THSD7B: variants seen among roughly 807,000 people sequenced by gnomAD.
THSD7B encodes the protein thrombospondin type 1 domain containing 7B, also known as thrombospondin type-1 domain-containing protein 7B.
Under a neutral mutation model 213.6 loss-of-function variants are expected in THSD7B, and 138 were observed. The observed-to-expected ratio is 0.65, with a 90% confidence interval of 0.56 to 0.74. The LOEUF (loss-of-function observed/expected upper bound fraction) is 0.74. Ranked by LOEUF, THSD7B falls within the 30% of genes least tolerant of loss-of-function variation. The probability of loss-of-function intolerance (pLI) is 0.00; values close to 1 mark genes in which losing one functional copy is unlikely to be tolerated. For missense variants in THSD7B, 1,931 were observed against 1,991.5 expected (o/e 0.97, Z 0.58); for synonymous variants, 742 against 687.0 (o/e 1.08, Z -1.25).
At chr2:137,046,917 GTATGT>G (rs1053082807) in intron 2 of THSD7B, among the ~76,000 whole-genome samples, 5 of 152,002 alleles carry the variant, frequency 3.3e-5, no homozygotes, top group African/African-American at 9.7e-5. Context: ...GCAGGCACTT[GTATGT>G]TATGTTAATA....
chr2:137,412,149 C>T (rs566892432), intron 14 of THSD7B, among the ~76,000 whole-genome samples: 1 of 152,202 alleles, frequency 6.6e-6, no homozygotes, highest in South Asian at 2.1e-4. Flanking sequence ...AGCACTGCTG[C>T]TCCACTTCAC....
At chr2:137,570,458 G>A (rs1681331331) in intron 16 of THSD7B, among the ~76,000 whole-genome samples, 1 of 151,962 alleles carries the variant, frequency 6.6e-6, no homozygotes, top group Non-Finnish European at 1.5e-5. Context: ...ACAGGCGCCT[G>A]CCACCTCGCC....
intron 2 of THSD7B, among the ~76,000 whole-genome samples, chr2:136,986,101 C>T (rs1685668365): frequency 6.6e-6 from 1 of 152,148 alleles, no homozygotes; most frequent in African/African-American, 2.4e-5. Flanking sequence ...TTTGATCTCA[C>T]AGGCTCATAG....
At chr2:137,012,594 G>T (rs769161901) in intron 2 of THSD7B, among the ~76,000 whole-genome samples, 1 of 152,192 alleles carries the variant, frequency 6.6e-6, no homozygotes, top group Non-Finnish European at 1.5e-5. Context: ...GTGTCTAGTT[G>T]TTCAGCAAGT....
At chr2:136,876,544 A>G (rs141579778) in intron 1 of THSD7B, among the ~76,000 whole-genome samples, 1 of 152,338 alleles carries the variant, frequency 6.6e-6, no homozygotes, top group Non-Finnish European at 1.5e-5. Context: ...GTAGAAGTGG[A>G]GTGAATGTCT....
At chr2:137,150,031 C>T (rs764344058) in intron 5 of THSD7B, among the ~76,000 whole-genome samples, 1 of 152,070 alleles carries the variant, frequency 6.6e-6, no homozygotes, top group Non-Finnish European at 1.5e-5. Flanking sequence ...CACCTGAGGT[C>T]AGGAGTTCGA....
At chr2:136,942,353 C>T (rs1684842602) in intron 2 of THSD7B, among the ~76,000 whole-genome samples, 1 of 152,026 alleles carries the variant, frequency 6.6e-6, no homozygotes, top group Non-Finnish European at 1.5e-5. Flanking sequence ...TCCATATGAA[C>T]TTTAAAGCAG....
intron 12 of THSD7B, 39 bp from the exon 13 acceptor site, chr2:137,405,574 A>G (rs1228303114): frequency 7.1e-6 from 11 of 1,544,402 alleles, no homozygotes; most frequent in Non-Finnish European, 9.6e-6. Context: ...TGACTGATTT[A>G]ATCAAAATAA....
chr2:137,635,066 G>A (rs1284064902), intron 20 of THSD7B, among the ~76,000 whole-genome samples: 1 of 152,064 alleles, frequency 6.6e-6, no homozygotes, highest in Non-Finnish European at 1.5e-5. Context: ...TGTTTATAAT[G>A]AGGTCCCAGT....
At chr2:137,674,806 G>A (rs927683055) in intron 27 of THSD7B, among the ~76,000 whole-genome samples, 3 of 152,112 alleles carry the variant, frequency 2.0e-5, no homozygotes, top group Non-Finnish European at 4.4e-5. Flanking sequence ...ATGAGCACCC[G>A]CTGCATGCCA....
intron 6 of THSD7B, among the ~76,000 whole-genome samples, chr2:137,164,196 G>A (rs75399226): frequency 6.6e-6 from 1 of 152,232 alleles, no homozygotes; most frequent in African/African-American, 2.4e-5. Context: ...AGTAGCTTAA[G>A]AGCACTAGAT....
At chr2:137,087,524 A>G (rs1451306026) in intron 3 of THSD7B, among the ~76,000 whole-genome samples, 1 of 152,206 alleles carries the variant, frequency 6.6e-6, no homozygotes, top group Non-Finnish European at 1.5e-5. Flanking sequence ...CAAGCTGAGA[A>G]TCAAATCAAG....
chr2:137,170,470 G>T (rs951362642), intron 6 of THSD7B, among the ~76,000 whole-genome samples: 4 of 152,080 alleles, frequency 2.6e-5, no homozygotes, highest in Non-Finnish European at 5.9e-5. Context: ...TAGGACTTAC[G>T]CTACTTATTA....
At chr2:137,639,861 T>C (rs1040831926) in intron 20 of THSD7B, among the ~76,000 whole-genome samples, 2 of 152,208 alleles carry the variant, frequency 1.3e-5, no homozygotes, top group Non-Finnish European at 2.9e-5. Context: ...CCAATACCTG[T>C]GCCGGTATGT....
At chr2:137,449,086 A>G (rs970027565) in intron 14 of THSD7B, among the ~76,000 whole-genome samples, 1 of 152,166 alleles carries the variant, frequency 6.6e-6, no homozygotes, top group African/African-American at 2.4e-5. Flanking sequence ...ATTTTAGAAA[A>G]TGATCTTTTT....
chr2:136,956,451 A>G (rs1456902528), intron 2 of THSD7B, among the ~76,000 whole-genome samples: 1 of 151,760 alleles, frequency 6.6e-6, no homozygotes, highest in Admixed American at 6.6e-5. Flanking sequence ...TGTATAGCAA[A>G]GTGTTCTCCC....
At chr2:137,628,391 A>G (rs1682675493) in intron 20 of THSD7B, among the ~76,000 whole-genome samples, 1 of 152,234 alleles carries the variant, frequency 6.6e-6, no homozygotes, top group Non-Finnish European at 1.5e-5. Flanking sequence ...ACAAATACAT[A>G]CATGTCAGTT....
At chr2:137,645,449 T>C (rs868503566) in intron 21 of THSD7B, among the ~76,000 whole-genome samples, 1 of 152,202 alleles carries the variant, frequency 6.6e-6, no homozygotes, top group Admixed American at 6.5e-5. Flanking sequence ...ATCTCTTGAC[T>C]GTGGATGAGT....
At chr2:137,281,405 A>C (rs1261006864) in intron 12 of THSD7B, among the ~76,000 whole-genome samples, 1 of 151,312 alleles carries the variant, frequency 6.6e-6, no homozygotes, top group Non-Finnish European at 1.5e-5. Context: ...TATTTTTCTT[A>C]TTTTTTATTA....
Sources: allele counts gnomAD v4.1 joint callset (sites outside exome capture counted in the v4.1 genomes callset), GRCh38; gene constraint gnomAD v4.1.1; transcripts MANE v1.5; gene names NCBI Gene and HGNC (gene_info 2026-07-23, HGNC 2026-07-21).